The following NEK7 variants were observed in gnomAD, a reference collection of about 807,000 sequenced individuals.
NEK7 encodes serine/threonine-protein kinase Nek7.
NEK7 carries 18 observed loss-of-function variants against 44.6 expected under a neutral mutation model. The observed-to-expected ratio is 0.40, with a 90% CI of 0.28 to 0.60. NEK7 has a LOEUF of 0.60. Ranked by LOEUF, NEK7 falls within the 20% of genes least tolerant of loss-of-function variation. The pLI, the probability that NEK7 is intolerant of heterozygous loss-of-function variation, is 0.38. For synonymous variants in NEK7, 130 were observed against 121.1 expected, an observed-to-expected ratio of 1.07 and a Z score of -0.48; for missense variants, 256 against 366.5, an observed-to-expected ratio of 0.70 and a Z score of 2.46.
chr1:198,304,155 C>T (rs1319229159), intron 9 of NEK7, among the ~76,000 whole-genome samples: 4 of 152,138 alleles, frequency 2.6e-5, no homozygotes, highest in South Asian at 2.1e-4. Flanking sequence ...GAATCCAAAA[C>T]GGTGTCCTAT....
chr1:198,276,561 A>G (rs1247105488), intron 5 of NEK7, among the ~76,000 whole-genome samples: 1 of 151,712 alleles, frequency 6.6e-6, no homozygotes, highest in Non-Finnish European at 1.5e-5. Flanking sequence ...TTAGTATTGA[A>G]ACATGATATG....
intron 2 of NEK7, 49 bp from the exon 3 acceptor site, chr1:198,252,991 T>G (rs1191023754): frequency 6.7e-7 from 1 of 1,499,232 alleles, no homozygotes; most frequent in East Asian, 2.3e-5. Context: ...TTGTGTGTAT[T>G]GCGTGTATAT....
intron 5 of NEK7, among the ~76,000 whole-genome samples, chr1:198,267,890 C>G (rs1290672483): frequency 6.6e-6 from 1 of 151,988 alleles, no homozygotes; most frequent in Non-Finnish European, 1.5e-5. Flanking sequence ...TCTTTCCAAC[C>G]TACCACTCGT....
At chr1:198,315,125 A>G (rs1047099501) in intron 9 of NEK7, among the ~76,000 whole-genome samples, 2 of 152,190 alleles carry the variant, frequency 1.3e-5, no homozygotes, top group African/African-American at 4.8e-5. Flanking sequence ...GATGCGGGAT[A>G]TAGTCTCCTG....
rs1258644370 is a variant in NEK7, at chr1:198,198,057, G to A, written c.-28-34496G>A. 6 of 1,467,338 alleles carry A rather than the reference G, an allele frequency of 4.1e-6. No individual in the cohort carries two copies. In the Admixed American group the frequency reaches 1.4e-4, roughly 35 times the overall value. The allele number at this position is 1,467,338 out of a possible 1,614,324, so 90.9% of individuals were successfully genotyped here. A position where few individuals can be genotyped will look rare whatever the true frequency, so the allele number is the denominator to read the frequency against. On this transcript the variant is annotated intron_variant, in intron 1 of 9. Coordinates refer to ENST00000367385, the MANE Select transcript of NEK7 (RefSeq NM_133494.3). ...GGGGGAAAGCTGGATTGCCCTGGGA[G>A]AGGAAGAAAGGGGCCTTGGGGAAAG...
intron 1 of NEK7, among the ~76,000 whole-genome samples, chr1:198,209,108 C>T (rs10128037): frequency 2.7e-4 from 40 of 146,516 alleles, no homozygotes; most frequent in African/African-American, 4.5e-4. Flanking sequence ...TGTACACACA[C>T]ATGTAATATA....
intron 5 of NEK7, among the ~76,000 whole-genome samples, chr1:198,265,914 T>C (rs952629435): frequency 6.6e-6 from 1 of 152,124 alleles, no homozygotes; most frequent in East Asian, 1.9e-4. Context: ...CTATATATTA[T>C]GTTACTTAAC....
chr1:198,186,233 A>G (rs1211877674), intron 1 of NEK7, among the ~76,000 whole-genome samples: 1 of 152,230 alleles, frequency 6.6e-6, no homozygotes, highest in Non-Finnish European at 1.5e-5. Context: ...CTGTTTAGCA[A>G]TGAATTCAAG....
At chr1:198,317,657 T>C (rs1465207762) in intron 9 of NEK7, among the ~76,000 whole-genome samples, 1 of 152,156 alleles carries the variant, frequency 6.6e-6, no homozygotes, top group Non-Finnish European at 1.5e-5. Flanking sequence ...AAAAATTGTT[T>C]ACTGCATGCA....
chr1:198,283,490 C>T (rs753245698), intron 7 of NEK7, among the ~76,000 whole-genome samples: 1 of 151,970 alleles, frequency 6.6e-6, no homozygotes, highest in Non-Finnish European at 1.5e-5. Flanking sequence ...TCTCCTTATC[C>T]TCCTCCCACC....
chr1:198,173,655 G>A (rs1664516940), intron 1 of NEK7, among the ~76,000 whole-genome samples: 2 of 141,796 alleles, frequency 1.4e-5, no homozygotes, highest in Admixed American at 7.5e-5. Flanking sequence ...TCTTTAGTTG[G>A]AATATGGATT....
At chr1:198,204,260 A>G (rs913239138) in intron 1 of NEK7, among the ~76,000 whole-genome samples, 1 of 152,208 alleles carries the variant, frequency 6.6e-6, no homozygotes, top group Non-Finnish European at 1.5e-5. Flanking sequence ...AGTCTGATAC[A>G]AAAGAATAAT....
chr1:198,204,717 C>CAAAAAAAA, intron 1 of NEK7, among the ~76,000 whole-genome samples: 1 of 87,890 alleles, frequency 1.1e-5, no homozygotes, highest in Non-Finnish European at 2.5e-5. Flanking sequence ...GACTCCGTCT[C>CAAAAAAAA]AAAAAAAAAA....
chr1:198,220,091 A>G (rs1666040693), intron 1 of NEK7, among the ~76,000 whole-genome samples: 1 of 152,006 alleles, frequency 6.6e-6, no homozygotes, highest in South Asian at 2.1e-4. Flanking sequence ...ATTCTTTTGT[A>G]AGAAGTAGGT....
intron 1 of NEK7, among the ~76,000 whole-genome samples, chr1:198,164,980 G>A (rs781237439): frequency 6.6e-6 from 1 of 152,224 alleles, no homozygotes; most frequent in Non-Finnish European, 1.5e-5. Context: ...CATGTTCACA[G>A]CATTTTCATC....
chr1:198,239,668 TAA>T (rs1666631309), intron 2 of NEK7, among the ~76,000 whole-genome samples: 1 of 152,084 alleles, frequency 6.6e-6, no homozygotes, highest in Non-Finnish European at 1.5e-5. Context: ...GAATACTAGA[TAA>T]AGGGTAATCA....
chr1:198,257,817 A>T (rs953480357), intron 3 of NEK7, among the ~76,000 whole-genome samples: 2 of 152,174 alleles, frequency 1.3e-5, no homozygotes, highest in Admixed American at 6.5e-5. Flanking sequence ...GAAACAGAAA[A>T]TTTCCAGTTT....
chr1:198,252,528 CTATATATATATA>C (rs1162099133), intron 2 of NEK7, among the ~76,000 whole-genome samples: 28 of 32,698 alleles, frequency 8.6e-4, no homozygotes, highest in East Asian at 2.0e-3. Context: ...ATCTCACATA[CTATATATATATA>C]TATATATATA....
intron 1 of NEK7, among the ~76,000 whole-genome samples, chr1:198,172,779 AAGG>A (rs1245501234): frequency 6.6e-6 from 1 of 152,136 alleles, no homozygotes; most frequent in Non-Finnish European, 1.5e-5. Context: ...CTGAAGAGCA[AAGG>A]AGAAGAAATA....
Sources: allele counts gnomAD v4.1 joint callset (sites outside exome capture counted in the v4.1 genomes callset), GRCh38; gene constraint gnomAD v4.1.1; transcripts MANE v1.5; gene names NCBI Gene and HGNC (gene_info 2026-07-23, HGNC 2026-07-21).